GABRG3: variants seen among roughly 807,000 people sequenced by gnomAD.
The protein encoded by GABRG3 is gamma-aminobutyric acid receptor subunit gamma-3.
A neutral mutation model predicts 48.8 loss-of-function variants in GABRG3; 25 were observed. The ratio of observed to expected loss-of-function variants is 0.51; its 90% CI spans 0.37 to 0.72. GABRG3 has a LOEUF of 0.72. Among genes scored for constraint, GABRG3 ranks in the 30% least tolerant of loss-of-function variants. GABRG3 has a pLI of 0.00. For missense variants in GABRG3, 394 were observed against 577.9 expected, an observed-to-expected ratio of 0.68 and a Z score of 3.26; for synonymous variants, 227 against 217.6, an observed-to-expected ratio of 1.04 and a Z score of -0.38.
chr15:27,190,175 G>T (rs144217067), intron 3 of GABRG3, among the ~76,000 whole-genome samples: 7,617 of 152,258 alleles, frequency 0.05, 234 homozygotes, highest in South Asian at 0.078. Flanking sequence ...AAGGATACTG[G>T]TCTAAAATTC....
chr15:27,536,781 C>T lies in GABRG3; in HGVS notation c.*3900C>T, dbSNP rs1385927373. 6.6e-6 allele frequency: 1 copy of T among 152,124 alleles called. No individual in the cohort carries two copies. Among genetic ancestry groups the T allele is most frequent in the East Asian group, 1.9e-4 (1 of 5,184 alleles). 9.4% of individuals were successfully genotyped at this position (152,124 alleles called of 1,614,324 possible). The stretch of plus-strand genomic sequence containing the variant: ...TTCTGCAATATAACCACACTCGAAG[C>T]AACAGGAGAGGGGCCGGTAACCCAT... On this transcript the variant is annotated 3_prime_UTR_variant, in exon 10 of 10. Transcript: ENST00000615808.
chr15:27,527,670 G>T, intron 8 of GABRG3, 41 bp downstream of exon 8: 1 of 1,540,800 alleles, frequency 6.5e-7, no homozygotes. Context: ...GGTAATGGGG[G>T]CGCTGTTTGA....
intron 5 of GABRG3, among the ~76,000 whole-genome samples, chr15:27,449,771 C>T (rs1889053410): frequency 6.6e-6 from 1 of 152,208 alleles, no homozygotes; most frequent in Admixed American, 6.5e-5. Flanking sequence ...CACCTACACG[C>T]TGAGTCGTAC....
chr15:27,505,521 C>T (rs1890740451), intron 6 of GABRG3, among the ~76,000 whole-genome samples: 1 of 152,052 alleles, frequency 6.6e-6, no homozygotes, highest in Admixed American at 6.6e-5. Context: ...ATGGATGTTT[C>T]AATTTATCAA....
chr15:27,104,361 G>C (rs1383080983), intron 3 of GABRG3, among the ~76,000 whole-genome samples: 1 of 152,216 alleles, frequency 6.6e-6, no homozygotes, highest in Non-Finnish European at 1.5e-5. Context: ...GTCAGTCATG[G>C]CCAAAGTGGC....
At chr15:27,517,536 A>G (rs1357306834) in intron 6 of GABRG3, among the ~76,000 whole-genome samples, 1 of 152,216 alleles carries the variant, frequency 6.6e-6, no homozygotes. Flanking sequence ...ATTTGCTGTA[A>G]TAAATTGTGC....
intron 3 of GABRG3, among the ~76,000 whole-genome samples, chr15:27,097,185 A>G (rs1391120878): frequency 6.6e-6 from 1 of 151,924 alleles, no homozygotes; most frequent in Non-Finnish European, 1.5e-5. Context: ...TCCTTCTACC[A>G]GACTTTGAGC....
At chr15:27,345,047 A>G (rs183084568) in intron 5 of GABRG3, among the ~76,000 whole-genome samples, 2 of 152,274 alleles carry the variant, frequency 1.3e-5, no homozygotes, top group East Asian at 3.9e-4. Context: ...AGCATTGTAT[A>G]TATTTCTCTA....
At position 27,266,108 on chromosome 15, in the gene GABRG3, G is replaced by A. The variant is rs146644280; in HGVS notation, c.271-60701G>A. On this transcript the variant is annotated intron_variant, in intron 3 of 9. Transcript: ENST00000615808. The stretch of plus-strand genomic sequence containing the variant: ...TTGGTCAGGCTGGTCTTGAACTGCC[G>A]ACCTCAGGTGATCTGCCCGCCTCAG... Among the ~76,000 whole-genome samples, 551 of 151,996 alleles carry A rather than the reference G, an allele frequency of 3.6e-3. 5 individuals carry two copies. Among genetic ancestry groups the A allele is most frequent in the African/African-American group, 0.013 (540 of 41,420 alleles).
chr15:27,184,129 C>T (rs999555078), intron 3 of GABRG3, among the ~76,000 whole-genome samples: 6 of 152,160 alleles, frequency 3.9e-5, no homozygotes, highest in East Asian at 3.9e-4. Context: ...AAAGTTTTAG[C>T]GAAGTGACAA....
chr15:26,974,771 T>A lies in GABRG3; in HGVS notation c.54-2231T>A, dbSNP rs940253717. 2.6e-5 allele frequency among the ~76,000 whole-genome samples: 4 copies of A among 151,992 alleles called. No individual in the cohort carries two copies. The highest frequency in any genetic ancestry group is 6.6e-5 in the Admixed American group (1 of 15,250). On this transcript the variant is annotated intron_variant, in intron 1 of 9. Transcript: ENST00000615808. This position sits in a 1 kb window ranked among gnomAD's most constrained non-coding sequence, Gnocchi z 4.3. ...ATGCTTCAACCTGCTCTTTAAGTTTTAAAAAATTTTTGCAAGATGATAAAA... is the reference window on the plus strand; with the variant it reads ...ATGCTTCAACCTGCTCTTTAAGTTTAAAAAAATTTTTGCAAGATGATAAAA...
chr15:27,327,040 G>T lies in GABRG3; in HGVS notation c.491+11G>T. 1 of 1,603,794 alleles carries T rather than the reference G, an allele frequency of 6.2e-7. No individual in the cohort carries two copies. The highest frequency in any genetic ancestry group is 8.5e-7 in the Non-Finnish European group (1 of 1,172,682). ...CCTTTACACTTTGAGGTAAGATGCT[G>T]CATCGATCTTTGATTACTCCTGGTT... On this transcript the variant is annotated intron_variant, in intron 4 of 9. Transcript: ENST00000615808.
chr15:27,460,652 C>T (rs1222709064), intron 5 of GABRG3, among the ~76,000 whole-genome samples: 1 of 152,150 alleles, frequency 6.6e-6, no homozygotes, highest in Non-Finnish European at 1.5e-5. Context: ...GAGGTGGATT[C>T]AGAGACTCTC....
intron 3 of GABRG3, among the ~76,000 whole-genome samples, chr15:27,241,627 T>C (rs1890129910): frequency 6.6e-6 from 1 of 152,208 alleles, no homozygotes; most frequent in Admixed American, 6.5e-5. Context: ...AAATTCACTT[T>C]CCATTTAAAT....
At chr15:27,071,434 C>G (rs1443873899) in intron 3 of GABRG3, among the ~76,000 whole-genome samples, 1 of 152,206 alleles carries the variant, frequency 6.6e-6, no homozygotes, top group Non-Finnish European at 1.5e-5. Context: ...GTTGCTTTTG[C>G]TGGTAAATGC....
In GABRG3 at chr15:27,342,797, C is replaced by T. The variant is rs887362904; in HGVS notation, c.574+13909C>T. ...CTGCCTCCTGGGTCCTGACTCCTTC[C>T]GTTCTACCTGGACCAGGGGCTCCTG... On this transcript the variant is annotated intron_variant, in intron 5 of 9. Coordinates refer to ENST00000615808, the MANE Select transcript of GABRG3 (RefSeq NM_033223.5). Among the ~76,000 whole-genome samples the T allele has an allele frequency of 9.2e-5, 14 of 152,320 alleles. No individual in the cohort carries two copies. In the East Asian group the frequency reaches 2.1e-3, roughly 23 times the overall value.
intron 3 of GABRG3, among the ~76,000 whole-genome samples, chr15:27,285,302 TTTTC>T (rs1891574481): frequency 6.9e-6 from 1 of 145,208 alleles, no homozygotes; most frequent in South Asian, 2.2e-4. Context: ...TGTGTGTGTG[TTTTC>T]TTCTTTGCCC....
At chr15:27,402,983 G>T (rs561790814) in intron 5 of GABRG3, among the ~76,000 whole-genome samples, 2 of 152,104 alleles carry the variant, frequency 1.3e-5, no homozygotes, top group Admixed American at 1.3e-4. Context: ...TTGTGGTCCG[G>T]CCTATTTGAT....
At chr15:27,238,258 G>A (rs1890035334) in intron 3 of GABRG3, among the ~76,000 whole-genome samples, 1 of 152,250 alleles carries the variant, frequency 6.6e-6, no homozygotes, top group South Asian at 2.1e-4. Context: ...TGTTTGATGT[G>A]TTTAAGTGGA....
Sources: allele counts gnomAD v4.1 joint callset (sites outside exome capture counted in the v4.1 genomes callset), GRCh38; gene constraint gnomAD v4.1.1; non-coding constraint Gnocchi (gnomAD v3.1); transcripts MANE v1.5; gene names NCBI Gene and HGNC (gene_info 2026-07-23, HGNC 2026-07-21).